Variants in RAB37 observed in about 807,000 individuals in gnomAD.
RAB37 encodes the protein RAB37, member RAS oncogene family, also known as ras-related protein Rab-37.
A neutral mutation model predicts 33.1 loss-of-function variants in RAB37; 29 were observed. The ratio of observed to expected loss-of-function variants is 0.88; its 90% CI spans 0.65 to 1.20. The LOEUF is 1.20. RAB37 is among the 50% of genes most tolerant of loss of function. The probability of loss-of-function intolerance (pLI) is 0.00; values close to 1 mark genes in which losing one functional copy is unlikely to be tolerated. For synonymous variants in RAB37, 128 were observed against 119.5 expected (o/e 1.07, Z -0.47); for missense variants, 299 against 301.1 (o/e 0.99, Z 0.05).
At chr17:74,696,276 C>G in intron 1 of RAB37, 3 of 1,551,718 alleles carry the variant, frequency 1.9e-6, no homozygotes, top group Non-Finnish European at 2.6e-6. Context: ...CACAAGAACC[C>G]CCAGGTCTAG....
At position 74,744,204 on chromosome 17, in the gene RAB37, A is replaced by G. The variant is rs1017088858; in HGVS notation, c.367-104A>G. The G allele has an allele frequency of 3.8e-6, 4 of 1,066,582 alleles. No individual in the cohort carries two copies. The African/African-American group carries it at 4.7e-5, about 13-fold the overall frequency. The allele number at this position is 1,066,582 out of a possible 1,614,324, so 66.1% of individuals were successfully genotyped here. A position where few individuals can be genotyped will look rare whatever the true frequency, so the allele number is the denominator to read the frequency against. ...GTACAGATGAGAGAACGCACAGGGT[A>G]TCGTGTTCAAGGTAGTGAGTAACTG... On this transcript the variant is annotated intron_variant, in intron 5 of 8. Coordinates refer to ENST00000392613, the MANE Select transcript of RAB37 (RefSeq NM_001006638.3). The surrounding 1 kb of genome is among the most constrained non-coding windows in gnomAD (Gnocchi z 4.2).
chr17:74,729,544 G>A lies in RAB37; in HGVS notation c.183+178G>A, dbSNP rs1397600645. On this transcript the variant is annotated intron_variant, in intron 2 of 7. Transcript: ENST00000340415. The surrounding 1 kb of genome is among the most constrained non-coding windows in gnomAD (Gnocchi z 4.2). ...GGGTGACCAGGAGGGAGGGTATACT[G>A]CCCCTGGGTAGTCCAGGAACTCCGC... 6.6e-6 allele frequency among the ~76,000 whole-genome samples: 1 copy of A among 152,004 alleles called. No individual in the cohort carries two copies. The highest frequency in any genetic ancestry group is 1.5e-5 in the Non-Finnish European group (1 of 67,986).
Position 74,743,211 on chromosome 17 carries a change from C to A in RAB37, c.313+16C>A. 1 of 1,613,740 alleles carries A rather than the reference C, an allele frequency of 6.2e-7. No homozygotes were observed. On this transcript the variant is annotated intron_variant, in intron 4 of 8. Coordinates refer to ENST00000392613, the MANE Select transcript of RAB37 (RefSeq NM_001006638.3). ...GATGCTCAGGGTGAGTCCCTCGCAC[C>A]CTCCAACCCCTACCCCAGCCCCTTG...
chr17:74,710,587 G>A (rs1353013058), intron 1 of RAB37, among the ~76,000 whole-genome samples: 6 of 151,938 alleles, frequency 3.9e-5, no homozygotes, highest in East Asian at 1.9e-4. Context: ...GGCTGGGCGC[G>A]GTGGCTCACG....
intron 1 of RAB37, among the ~76,000 whole-genome samples, chr17:74,702,642 T>C (rs2033158032): frequency 6.6e-6 from 1 of 152,178 alleles, no homozygotes; most frequent in Non-Finnish European, 1.5e-5. Context: ...TGCGGCTCCA[T>C]GACCCCACGC....
At chr17:74,702,033 G>T (rs1240303331) in intron 1 of RAB37, among the ~76,000 whole-genome samples, 1 of 151,070 alleles carries the variant, frequency 6.6e-6, no homozygotes, top group Admixed American at 6.6e-5. Context: ...TAAAAAAAAA[G>T]AAAACTTTAA....
intron 1 of RAB37, among the ~76,000 whole-genome samples, chr17:74,681,567 C>T (rs1303609254): frequency 6.6e-6 from 1 of 152,200 alleles, no homozygotes; most frequent in Non-Finnish European, 1.5e-5. Context: ...AGGATCCCAG[C>T]CCTTGGGATG....
chr17:74,690,241 T>C (rs2032134949), intron 1 of RAB37, among the ~76,000 whole-genome samples: 1 of 152,112 alleles, frequency 6.6e-6, no homozygotes, highest in Non-Finnish European at 1.5e-5. Flanking sequence ...ATTAGAGGCA[T>C]GAACCACGAT....
At chr17:74,673,909 A>G (rs1388731783) in intron 1 of RAB37, among the ~76,000 whole-genome samples, 1 of 152,154 alleles carries the variant, frequency 6.6e-6, no homozygotes, top group Non-Finnish European at 1.5e-5. Flanking sequence ...ATGATTGTGC[A>G]TGATGTTTTA....
At chr17:74,683,831 C>T (rs2032001978) in intron 1 of RAB37, among the ~76,000 whole-genome samples, 1 of 152,136 alleles carries the variant, frequency 6.6e-6, no homozygotes, top group Non-Finnish European at 1.5e-5. Flanking sequence ...TGGGCAGCAC[C>T]ACAGTGGCAT....
intron 1 of RAB37, chr17:74,695,678 T>C: frequency 6.2e-7 from 1 of 1,612,310 alleles, no homozygotes; most frequent in Non-Finnish European, 8.5e-7. Context: ...ACGGCAGGCC[T>C]GTGTCCCCCT....
At chr17:74,674,571 G>C (rs1252359247) in intron 1 of RAB37, among the ~76,000 whole-genome samples, 4 of 152,036 alleles carry the variant, frequency 2.6e-5, no homozygotes, top group African/African-American at 9.7e-5. Flanking sequence ...TCAGCTACTA[G>C]GGAGGCTGAG....
chr17:74,702,554 G>C (rs1772003837), intron 1 of RAB37, among the ~76,000 whole-genome samples: 1 of 152,092 alleles, frequency 6.6e-6, no homozygotes, highest in Admixed American at 6.5e-5. Flanking sequence ...ATAGTAATCA[G>C]AGGAAAATTA....
intron 1 of RAB37, chr17:74,698,524 C>T: frequency 6.4e-7 from 1 of 1,574,770 alleles, no homozygotes. Context: ...AGGCTCACCA[C>T]CTGCCTCTCA....
intron 1 of RAB37, among the ~76,000 whole-genome samples, chr17:74,724,473 C>T (rs1462380692): frequency 6.6e-6 from 1 of 152,160 alleles, no homozygotes; most frequent in Non-Finnish European, 1.5e-5. Context: ...ATTTTGGGGG[C>T]CTAAGATATT....
At chr17:74,701,955 G>A (rs12947096) in intron 1 of RAB37, among the ~76,000 whole-genome samples, 2 of 151,822 alleles carry the variant, frequency 1.3e-5, no homozygotes, top group South Asian at 2.1e-4. Flanking sequence ...ATGAGAGGCA[G>A]AGGTTGCAGT....
rs1244041065 is a variant in RAB37, at chr17:74,747,257, G to A, written c.*1846G>A. ...CTTCTGGGGCCCAAGGCAGGTTGCA[G>A]GAGATCCAATCCCATAGACAGCTCT... On this transcript the variant is annotated 3_prime_UTR_variant, in exon 9 of 9. Transcript: ENST00000392613. The A allele has an allele frequency of 6.6e-6, 1 of 152,048 alleles. No individual in the cohort carries two copies. Among genetic ancestry groups the A allele is most frequent in the East Asian group, 1.9e-4 (1 of 5,180 alleles). 9.4% of individuals were successfully genotyped at this position (152,048 alleles called of 1,614,324 possible).
At position 74,705,241 on chromosome 17, in the gene RAB37, C is replaced by T. The variant is rs922268123; in HGVS notation, c.73-24015C>T. 5.7e-6 allele frequency: 4 copies of T among 702,202 alleles called. No homozygotes were observed. The African/African-American group carries it at 7.0e-5, about 12-fold the overall frequency. 43.5% of individuals were successfully genotyped at this position (702,202 alleles called of 1,614,324 possible). On this transcript the variant is annotated intron_variant, in intron 1 of 7. Transcript: ENST00000340415. Reference sequence around the variant, plus strand: ...CACTGATGACCCTCATGAGGTCGAGCTGAGGCAGCCACATCAGATGGCTGT... The same window carrying T: ...CACTGATGACCCTCATGAGGTCGAGTTGAGGCAGCCACATCAGATGGCTGT...
rs891423419 is a variant in RAB37 at position 74,696,068 on chromosome 17, G to T, written c.72+24410G>T. The T allele has an allele frequency of 1.6e-5, 21 of 1,327,084 alleles. No homozygotes were observed. In the African/African-American group the frequency reaches 2.5e-4, roughly 16 times the overall value. The allele number at this position is 1,327,084 out of a possible 1,614,324, so 82.2% of individuals were successfully genotyped here. A position where few individuals can be genotyped will look rare whatever the true frequency, so the allele number is the denominator to read the frequency against. ...GCCCTCAGCCCCCAGGCCCTGCAGG[G>T]TGCCATGAGGACAGGATACTTTGGC... On this transcript the variant is annotated intron_variant, in intron 1 of 7. Coordinates refer to the RAB37 transcript ENST00000340415.
Sources: allele counts gnomAD v4.1 joint callset (sites outside exome capture counted in the v4.1 genomes callset), GRCh38; gene constraint gnomAD v4.1.1; non-coding constraint Gnocchi (gnomAD v3.1); transcripts MANE v1.5; gene names NCBI Gene and HGNC (gene_info 2026-07-23, HGNC 2026-07-21).